ATG5: variants seen among roughly 807,000 people sequenced by gnomAD.
The protein encoded by ATG5 is autophagy related 5.
In ATG5, 14 loss-of-function variants were observed where a neutral mutation model predicts 36.5. That is an observed-to-expected ratio of 0.38 (90% CI 0.25 to 0.60). ATG5 has a LOEUF of 0.60. Among genes scored for constraint, ATG5 ranks in the 20% least tolerant of loss-of-function variants. ATG5 has a pLI of 0.60. For synonymous variants in ATG5, 95 were observed against 101.5 expected, an observed-to-expected ratio of 0.94 and a Z score of 0.38; for missense variants, 195 against 326.7, an observed-to-expected ratio of 0.60 and a Z score of 3.11.
Position 106,293,060 on chromosome 6 carries a change from C to A in ATG5, c.283G>T (p.Ala95Ser), listed in dbSNP as rs576645243. The A allele has an allele frequency of 2.5e-6, 4 of 1,613,540 alleles. No individual in the cohort carries two copies. Among genetic ancestry groups the A allele is most frequent in the Non-Finnish European group, 3.4e-6 (4 of 1,179,668 alleles). Residue 95 changes from alanine to serine, a missense_variant, in exon 4 of 8, where the codon GCT becomes TCT. Ala to Ser is a moderately conservative substitution (Grantham distance 99, BLOSUM62 1). Transcript: ENST00000369076. ...TGTACTGTGATGTTCCAAGGAAGAG[C>A]TGAACTTGATGCAAGAAGATCAAAT... ...LLFDLLASSS[A>S]LPWNITVHFK...
chr6:106,207,216 T>C (rs947360876), intron 6 of ATG5, among the ~76,000 whole-genome samples: 3 of 152,326 alleles, frequency 2.0e-5, no homozygotes, highest in East Asian at 3.9e-4. Flanking sequence ...GCTGCTCCCA[T>C]CTCTCCTCTA....
chr6:106,212,745 G>A (rs1051568984), intron 6 of ATG5, among the ~76,000 whole-genome samples: 4 of 152,138 alleles, frequency 2.6e-5, no homozygotes, highest in Non-Finnish European at 5.9e-5. Context: ...ATAATGAACC[G>A]AACTTACTAT....
intron 6 of ATG5, among the ~76,000 whole-genome samples, chr6:106,228,424 TA>T (rs1376443229): frequency 6.6e-6 from 1 of 152,198 alleles, no homozygotes; most frequent in African/African-American, 2.4e-5. Flanking sequence ...GGGTTCATCC[TA>T]ATTGAGCTGA....
At chr6:106,225,574 G>A (rs1273426685) in intron 6 of ATG5, among the ~76,000 whole-genome samples, 1 of 152,102 alleles carries the variant, frequency 6.6e-6, no homozygotes, top group Non-Finnish European at 1.5e-5. Context: ...CATTAAAGTG[G>A]TGATATCATC....
intron 6 of ATG5, among the ~76,000 whole-genome samples, chr6:106,214,718 C>T (rs1242763895): frequency 6.6e-6 from 1 of 152,120 alleles, no homozygotes; most frequent in Non-Finnish European, 1.5e-5. Context: ...ACTTTGTTTC[C>T]TCTTCGTATC....
chr6:106,220,134 A>G (rs988881810), intron 6 of ATG5, among the ~76,000 whole-genome samples: 6 of 152,190 alleles, frequency 3.9e-5, no homozygotes, highest in Non-Finnish European at 2.9e-5. Flanking sequence ...TGTTTATGCT[A>G]GATTATATTT....
At chr6:106,269,196 T>G (rs552546728) in intron 5 of ATG5, among the ~76,000 whole-genome samples, 3 of 152,046 alleles carry the variant, frequency 2.0e-5, no homozygotes, top group Non-Finnish European at 4.4e-5. Context: ...TTACAGAGTG[T>G]CGATTGGTGC....
intron 5 of ATG5, among the ~76,000 whole-genome samples, chr6:106,272,315 T>C (rs148041695): frequency 2.5e-3 from 375 of 152,348 alleles, no homozygotes; most frequent in African/African-American, 8.5e-3. Context: ...ACTGGTCTCC[T>C]ACCATCCCAC....
intron 5 of ATG5, among the ~76,000 whole-genome samples, chr6:106,268,401 G>C (rs1206421613): frequency 2.0e-5 from 3 of 152,194 alleles, no homozygotes; most frequent in Admixed American, 2.0e-4. Flanking sequence ...AGGTTGTGGA[G>C]AAATAGGAAC....
intron 6 of ATG5, among the ~76,000 whole-genome samples, chr6:106,219,829 T>G (rs1418853395): frequency 2.0e-5 from 3 of 152,174 alleles, no homozygotes; most frequent in Non-Finnish European, 4.4e-5. Context: ...CAGGTGACTT[T>G]CATGAAAAGA....
At chr6:106,263,903 A>G (rs540527607) in intron 5 of ATG5, among the ~76,000 whole-genome samples, 1 of 152,218 alleles carries the variant, frequency 6.6e-6, no homozygotes, top group Non-Finnish European at 1.5e-5. Context: ...ACAGCACAAA[A>G]ATGCTGAAGA....
intron 6 of ATG5, among the ~76,000 whole-genome samples, chr6:106,215,882 T>C (rs1304977088): frequency 3.3e-5 from 5 of 152,198 alleles, no homozygotes; most frequent in Admixed American, 2.6e-4. Context: ...ATTCAGAATA[T>C]GTAAAGAATT....
At chr6:106,233,590 T>G (rs1411304222) in intron 6 of ATG5, among the ~76,000 whole-genome samples, 1 of 152,194 alleles carries the variant, frequency 6.6e-6, no homozygotes, top group Non-Finnish European at 1.5e-5. Context: ...GGCAAAGGGT[T>G]GGCCTCATTG....
intron 6 of ATG5, among the ~76,000 whole-genome samples, chr6:106,206,412 G>C (rs1180487592): frequency 6.6e-6 from 1 of 152,106 alleles, no homozygotes; most frequent in East Asian, 1.9e-4. Context: ...CCCAGTCTAG[G>C]CTGGGCGTGG....
intron 3 of ATG5, among the ~76,000 whole-genome samples, chr6:106,295,071 CACACACATAT>C (rs990492485): frequency 9.2e-5 from 14 of 152,030 alleles, no homozygotes; most frequent in African/African-American, 3.1e-4. Flanking sequence ...CATACACACA[CACACACATAT>C]ACACACATAT....
chr6:106,282,962 AT>A (rs1395999462), intron 4 of ATG5, among the ~76,000 whole-genome samples: 4 of 150,982 alleles, frequency 2.6e-5, no homozygotes, highest in South Asian at 2.1e-4. Flanking sequence ...AATTTTTTTA[AT>A]TTTTTTTTGT....
At chr6:106,285,659 C>G (rs993457111) in intron 4 of ATG5, among the ~76,000 whole-genome samples, 1 of 152,110 alleles carries the variant, frequency 6.6e-6, no homozygotes, top group African/African-American at 2.4e-5. Flanking sequence ...AGTCTCTATC[C>G]CAAATACTCA....
chr6:106,197,223 A>G (rs1776230961), intron 7 of ATG5, among the ~76,000 whole-genome samples: 3 of 152,218 alleles, frequency 2.0e-5, no homozygotes, highest in Admixed American at 6.5e-5. Flanking sequence ...GAAAAGTGCA[A>G]TAAGGTAGTC....
rs1770180143 is a variant in ATG5, at chr6:106,300,860, T to C, written c.236+7504A>G. Among the ~76,000 whole-genome samples the C allele has an allele frequency of 2.0e-5, 3 of 152,114 alleles. No individual in the cohort carries two copies. In the South Asian group the frequency reaches 6.2e-4, roughly 31 times the overall value. Reference sequence around the variant, plus strand: ...TTACAATTCAAAAAGTAATTTCAACTTCTTCCTTTTACCACCTGTCCTGAA... The same window carrying C: ...TTACAATTCAAAAAGTAATTTCAACCTCTTCCTTTTACCACCTGTCCTGAA... On this transcript the variant is annotated intron_variant, in intron 3 of 7. Coordinates refer to ENST00000369076, the MANE Select transcript of ATG5 (RefSeq NM_004849.4).
Sources: gnomAD v4.1 joint callset for allele counts (sites outside exome capture counted in the v4.1 genomes callset) on GRCh38, gnomAD v4.1.1 for gene constraint, MANE v1.5 for transcripts, NCBI Gene and HGNC (gene_info 2026-07-23, HGNC 2026-07-21) for gene names.